Variants in SIPA1L1 observed in about 807,000 individuals in gnomAD.
The protein encoded by SIPA1L1 is signal induced proliferation associated 1 like 1.
SIPA1L1 carries 26 observed loss-of-function variants against 162.7 expected under a neutral mutation model. The ratio of observed to expected loss-of-function variants is 0.16; its 90% confidence interval spans 0.12 to 0.22. The LOEUF is 0.22. Among genes scored for constraint, SIPA1L1 ranks in the 10% least tolerant of loss-of-function variants. SIPA1L1 has a pLI of 1.00. For missense variants in SIPA1L1, 1,874 were observed against 2,241.0 expected (o/e 0.84, Z 3.31); for synonymous variants, 829 against 837.4 (o/e 0.99, Z 0.17).
intron 4 of SIPA1L1, among the ~76,000 whole-genome samples, chr14:71,565,609 T>TA (rs1313981105): frequency 6.6e-6 from 1 of 152,236 alleles, no homozygotes; most frequent in African/African-American, 2.4e-5. Context: ...TTATATGCAA[T>TA]AGTCATTTGG....
intron 2 of SIPA1L1, among the ~76,000 whole-genome samples, chr14:71,407,664 A>G (rs2042121685): frequency 6.6e-6 from 1 of 152,044 alleles, no homozygotes; most frequent in Non-Finnish European, 1.5e-5. Context: ...GTGCCACCAC[A>G]CCTGCCTAAT....
At chr14:71,727,602 G>A (rs993593237) in intron 19 of SIPA1L1, among the ~76,000 whole-genome samples, 4 of 152,174 alleles carry the variant, frequency 2.6e-5, no homozygotes, top group Non-Finnish European at 4.4e-5. Flanking sequence ...TGGAGCACAA[G>A]TTAGAACCAG....
At chr14:71,329,386 A>G (rs780472081) in intron 2 of SIPA1L1, among the ~76,000 whole-genome samples, 8 of 151,018 alleles carry the variant, frequency 5.3e-5, no homozygotes, top group Non-Finnish European at 7.4e-5. Flanking sequence ...TAAGGGTTCT[A>G]ACTTCTCCAC....
intron 2 of SIPA1L1, among the ~76,000 whole-genome samples, chr14:71,442,551 A>G (rs992339190): frequency 1.2e-4 from 19 of 152,278 alleles, no homozygotes; most frequent in African/African-American, 4.6e-4. Flanking sequence ...TTTGTGTTGT[A>G]CTTTTTTTCT....
chr14:71,523,387 T>C (rs1178709758), intron 3 of SIPA1L1, among the ~76,000 whole-genome samples: 2 of 151,788 alleles, frequency 1.3e-5, no homozygotes, highest in Admixed American at 6.6e-5. Context: ...AATCTCAGAG[T>C]TTAAAAAAAA....
chr14:71,722,944 C>A (rs2083878300), intron 17 of SIPA1L1, among the ~76,000 whole-genome samples: 1 of 152,226 alleles, frequency 6.6e-6, no homozygotes, highest in Non-Finnish European at 1.5e-5. Context: ...CCATGTTGGT[C>A]AGGCTGGTTT....
chr14:71,733,691 C>A lies in SIPA1L1; in HGVS notation c.4887C>A (p.Ser1629=). 6.2e-7 allele frequency: 1 copy of A among 1,614,024 alleles called. No homozygotes were observed. The highest frequency in any genetic ancestry group is 8.5e-7 in the Non-Finnish European group (1 of 1,180,018). Residue 1629 remains serine, a synonymous_variant, in exon 21 of 24, where the codon TCC becomes TCA. Transcript: ENST00000381232. ...GAGAGTTCTCAGCCTCGGACAGCTC[C>A]CTCACTGACATCCAGGAGACCCGCA... The part of the protein sequence containing the change: ...LHGEFSASDS[S]LTDIQETRRQ...
chr14:71,631,014 C>T (rs1035807564), intron 7 of SIPA1L1, among the ~76,000 whole-genome samples: 10 of 151,952 alleles, frequency 6.6e-5, no homozygotes, highest in Non-Finnish European at 1.5e-4. Flanking sequence ...CAATGCTATC[C>T]CTCCCCCAGC....
chr14:71,730,136 G>T lies in SIPA1L1; in HGVS notation c.4696G>T (p.Glu1566Ter). The T allele has an allele frequency of 6.2e-7, 1 of 1,614,130 alleles. No individual in the cohort carries two copies. The highest frequency in any genetic ancestry group is 2.2e-5 in the East Asian group (1 of 44,880). The part of the protein sequence containing the change: ...RRALHRTLSD[E>*]SIYNSQREHF... ...GGCCTTGCACAGAACACTGTCGGAC[G>T]AGAGCATTTACAATAGCCAGAGGGA... The change falls in exon 20 of 24, where the codon GAG becomes TAG. Residue 1566 changes from glutamate to a stop codon, truncating the protein, a stop_gained. Transcript: ENST00000381232. LOFTEE classifies it high-confidence loss of function.
At chr14:71,698,494 T>C (rs1335974799) in intron 13 of SIPA1L1, among the ~76,000 whole-genome samples, 1 of 152,206 alleles carries the variant, frequency 6.6e-6, no homozygotes, top group Non-Finnish European at 1.5e-5. Flanking sequence ...AAATACTAAA[T>C]AGCAAAATCT....
At chr14:71,696,191 C>T (rs1001294550) in intron 13 of SIPA1L1, among the ~76,000 whole-genome samples, 3 of 152,110 alleles carry the variant, frequency 2.0e-5, no homozygotes, top group Admixed American at 6.5e-5. Context: ...GTGATTGGCC[C>T]ATATTTCTCA....
chr14:71,522,574 G>GT (rs1325947253), intron 3 of SIPA1L1, among the ~76,000 whole-genome samples: 1 of 152,134 alleles, frequency 6.6e-6, no homozygotes, highest in East Asian at 1.9e-4. Context: ...CACTCAAAAA[G>GT]TTTGAAGTTT....
chr14:71,638,554 C>A (rs1262491841), intron 7 of SIPA1L1, among the ~76,000 whole-genome samples: 6 of 152,290 alleles, frequency 3.9e-5, no homozygotes, highest in Admixed American at 3.9e-4. Flanking sequence ...ATCTACAAAA[C>A]TTCTATAGCT....
At chr14:71,715,934 T>A (rs2083238315) in intron 17 of SIPA1L1, among the ~76,000 whole-genome samples, 1 of 152,252 alleles carries the variant, frequency 6.6e-6, no homozygotes, top group Admixed American at 6.5e-5. Flanking sequence ...CCTTATTAAA[T>A]AGCTTAGCGT....
At chr14:71,681,934 A>G (rs1474280330) in intron 12 of SIPA1L1, among the ~76,000 whole-genome samples, 2 of 152,250 alleles carry the variant, frequency 1.3e-5, no homozygotes, top group Non-Finnish European at 2.9e-5. Flanking sequence ...CACGTTTAGC[A>G]TTGACATTGT....
chr14:71,663,506 A>T (rs2043724660), intron 10 of SIPA1L1, among the ~76,000 whole-genome samples: 2 of 152,204 alleles, frequency 1.3e-5, no homozygotes, highest in Admixed American at 6.5e-5. Context: ...TTAAAATTTA[A>T]TATAATTTGA....
Position 71,661,330 on chromosome 14 carries a change from T to G in SIPA1L1, c.2118T>G (p.Ile706Met). The change falls in exon 10 of 24, where the codon ATT becomes ATG. Residue 706 changes from isoleucine (I) to methionine (M), a missense_variant. Ile to Met is a conservative substitution (Grantham distance 10). Around this residue, in one of 5 missense-constraint regions of SIPA1L1, gnomAD observed 243 missense variants for 315.0 expected, o/e 0.77. Transcript: ENST00000381232. ...NKQQLLRKRH[I>M]GNDIVTIVFQ... ...TGTAGCTCCTGAGGAAGCGGCACAT[T>G]GGAAATGATATCGTAACAATTGTTT... 6.2e-7 allele frequency: 1 copy of G among 1,613,730 alleles called. No individual in the cohort carries two copies. The highest frequency in any genetic ancestry group is 8.5e-7 in the Non-Finnish European group (1 of 1,179,744).
chr14:71,712,393 A>C (rs2082940944), intron 17 of SIPA1L1, among the ~76,000 whole-genome samples: 1 of 152,222 alleles, frequency 6.6e-6, no homozygotes, highest in Non-Finnish European at 1.5e-5. Flanking sequence ...AAAAACGTCT[A>C]TTAATTGCTC....
At chr14:71,620,369 G>A (rs1297662239) in intron 6 of SIPA1L1, among the ~76,000 whole-genome samples, 4 of 152,120 alleles carry the variant, frequency 2.6e-5, no homozygotes, top group Admixed American at 1.3e-4. Flanking sequence ...ACACCTGGCC[G>A]TTCCTACCAG....
Sources: allele counts gnomAD v4.1 joint callset (sites outside exome capture counted in the v4.1 genomes callset), GRCh38; gene constraint gnomAD v4.1.1; regional missense constraint gnomAD v4.1.1; transcripts MANE v1.5; gene names NCBI Gene and HGNC (gene_info 2026-07-23, HGNC 2026-07-21).